SP140L: variants seen among roughly 807,000 people sequenced by gnomAD.
The protein encoded by SP140L is nuclear body protein SP140-like protein.
SP140L carries 64 observed loss-of-function variants against 84.3 expected under a neutral mutation model. The ratio of observed to expected loss-of-function variants is 0.76; its 90% confidence interval spans 0.62 to 0.94. The LOEUF is 0.94. SP140L is among the 40% of genes least tolerant of loss of function. The pLI is 0.00. For synonymous variants in SP140L, 242 were observed against 236.9 expected, an observed-to-expected ratio of 1.02 and a Z score of -0.20; for missense variants, 628 against 692.5, an observed-to-expected ratio of 0.91 and a Z score of 1.05.
chr2:230,369,768 GT>G (rs1339778635), intron 5 of SP140L, among the ~76,000 whole-genome samples: 4 of 152,056 alleles, frequency 2.6e-5, no homozygotes, highest in Non-Finnish European at 2.9e-5. Flanking sequence ...CTTTTTGTTT[GT>G]TTGTTTTCTT....
chr2:230,393,820 A>G (rs540913804), intron 13 of SP140L, among the ~76,000 whole-genome samples: 2 of 152,236 alleles, frequency 1.3e-5, no homozygotes, highest in Non-Finnish European at 2.9e-5. Context: ...TGAGAGTATC[A>G]TCTCCAACTC....
rs367812146 is a variant in SP140L, at chr2:230,354,797, A to AAG, written c.108-2994_108-2993dup. Among the ~76,000 whole-genome samples, 12 of 142,462 alleles carry AAG rather than the reference A, an allele frequency of 8.4e-5. 1 individual carries two copies. Among genetic ancestry groups the AAG allele is most frequent in the African/African-American group, 2.1e-4 (8 of 38,422 alleles). 93.5% of individuals were successfully genotyped at this position (142,462 alleles called of 152,430 possible). On this transcript the variant is annotated intron_variant, in intron 2 of 18. Transcript: ENST00000415673. ...AAGAAAGAAGGGGTGGGGGCGGGGG[A>AAG]AGAGAGAGAGAGAGAAAGAAAAAGA...
At chr2:230,386,011 G>A (rs2061565589) in intron 9 of SP140L, among the ~76,000 whole-genome samples, 1 of 152,152 alleles carries the variant, frequency 6.6e-6, no homozygotes, top group African/African-American at 2.4e-5. Flanking sequence ...AGTGGTTGAT[G>A]CACAATCACT....
intron 5 of SP140L, 106 bp downstream of exon 5, chr2:230,361,803 A>T: frequency 1.2e-6 from 1 of 804,642 alleles, no homozygotes; most frequent in Admixed American, 2.5e-5. Flanking sequence ...CAGGGAAGAC[A>T]CAGGGAAGGA....
Position 230,392,146 on chromosome 2 carries a change from G to T in SP140L, c.1024G>T (p.Glu342Ter). The change falls in exon 12 of 19, where the codon GAA becomes TAA. Residue 342 changes from glutamate (E) to a stop codon, truncating the protein, a stop_gained. Coordinates refer to ENST00000415673, the MANE Select transcript of SP140L (RefSeq NM_138402.6). LOFTEE classifies it high-confidence loss of function. ...AAAATGGTTCACCCCCATGGAATTT[G>T]AAATCAAAGGAGGCTACGCAAGATC... Reference protein sequence around the residue: ...DGKWFTPMEFEIKGGYARSKN... With the variant: ...DGKWFTPMEF The T allele has an allele frequency of 2.5e-6, 4 of 1,614,066 alleles. No homozygotes were observed. The highest frequency in any genetic ancestry group is 3.4e-6 in the Non-Finnish European group (4 of 1,179,948).
At chr2:230,381,340 G>A (rs1007267333) in intron 7 of SP140L, among the ~76,000 whole-genome samples, 12 of 152,080 alleles carry the variant, frequency 7.9e-5, no homozygotes, top group Admixed American at 1.3e-4. Context: ...TAATCTGGAG[G>A]CTACATGATC....
Position 230,386,836 on chromosome 2 carries a change from C to T in SP140L, c.784+1532C>T, listed in dbSNP as rs544675617. Among the ~76,000 whole-genome samples the T allele has an allele frequency of 3.3e-5, 5 of 152,288 alleles. No individual in the cohort carries two copies. In the East Asian group the frequency reaches 7.7e-4, roughly 24 times the overall value. On this transcript the variant is annotated intron_variant, in intron 9 of 18. Transcript: ENST00000415673. ...CAGCTAGAGAGAAAGGAAGAAATAA[C>T]TCTGTATTAGCTGGACTGTTCAAGG...
chr2:230,328,976 T>TTTG, intron 2 of SP140L, 145 bp downstream of exon 2: 1 of 1,291,380 alleles, frequency 7.7e-7, no homozygotes, highest in Non-Finnish European at 1.0e-6. Context: ...AGTTGAGGTG[T>TTTG]TTGTCTTTTT....
intron 15 of SP140L, chr2:230,400,645 C>T: frequency 1.8e-6 from 1 of 556,428 alleles, no homozygotes; most frequent in Non-Finnish European, 3.2e-6. Context: ...GAGTTGAAAG[C>T]CCAGTTTCTG....
intron 8 of SP140L, among the ~76,000 whole-genome samples, chr2:230,384,578 G>T (rs1974984): frequency 0.84 from 127,777 of 152,186 alleles, 54,961 homozygotes; most frequent in African/African-American, 0.96. Flanking sequence ...ATGTACATTT[G>T]TGTTTGGAAA....
intron 2 of SP140L, among the ~76,000 whole-genome samples, chr2:230,353,973 A>G (rs572558947): frequency 9.9e-5 from 15 of 152,256 alleles, no homozygotes; most frequent in African/African-American, 3.6e-4. Context: ...TTGTTCCACC[A>G]TATCATTTTC....
chr2:230,370,856 G>A (rs1359416769), intron 5 of SP140L, 52 bp from the exon 6 acceptor site: 3 of 1,582,424 alleles, frequency 1.9e-6, no homozygotes, highest in Admixed American at 3.4e-5. Context: ...CCCGGGAGCA[G>A]AGCGACCAGC....
At chr2:230,364,032 T>C (rs1374903558) in intron 5 of SP140L, among the ~76,000 whole-genome samples, 2 of 152,180 alleles carry the variant, frequency 1.3e-5, no homozygotes, top group Non-Finnish European at 2.9e-5. Context: ...GTGTCTATTT[T>C]ATGCAAGTAC....
At position 230,393,585 on chromosome 2, in the gene SP140L, C is replaced by A; in HGVS notation, c.1155+124C>A. 4 of 1,180,282 alleles carry A rather than the reference C, an allele frequency of 3.4e-6. No homozygotes were observed. The South Asian group carries it at 7.7e-5, about 23-fold the overall frequency. The allele number at this position is 1,180,282 out of a possible 1,614,324, so 73.1% of individuals were successfully genotyped here. Reference sequence around the variant, plus strand: ...AAGCTTTCACCTTCTCCACTTCCCACATATAAATTTTTTTAATATACACTT... The same window carrying A: ...AAGCTTTCACCTTCTCCACTTCCCAAATATAAATTTTTTTAATATACACTT... On this transcript the variant is annotated intron_variant, in intron 13 of 18. Coordinates refer to ENST00000415673, the MANE Select transcript of SP140L (RefSeq NM_138402.6).
chr2:230,347,666 G>A (rs903491252), intron 2 of SP140L, among the ~76,000 whole-genome samples: 5 of 152,264 alleles, frequency 3.3e-5, no homozygotes, highest in East Asian at 1.9e-4. Flanking sequence ...TGGCTGGCTC[G>A]ATTACCTGCG....
chr2:230,389,746 C>A (rs1347899651), intron 10 of SP140L, among the ~76,000 whole-genome samples, 173 bp from the exon 11 acceptor site: 2 of 152,168 alleles, frequency 1.3e-5, no homozygotes, highest in African/African-American at 4.8e-5. Context: ...TTGGGGCACA[C>A]ATTCTGTAGT....
intron 5 of SP140L, among the ~76,000 whole-genome samples, chr2:230,362,818 A>G (rs765262669): frequency 6.6e-6 from 1 of 152,194 alleles, no homozygotes; most frequent in African/African-American, 2.4e-5. Flanking sequence ...TGTGATATCC[A>G]GGGAACCTAA....
At chr2:230,373,492 A>G (rs1361813604) in intron 7 of SP140L, among the ~76,000 whole-genome samples, 1 of 152,204 alleles carries the variant, frequency 6.6e-6, no homozygotes, top group African/African-American at 2.4e-5. Context: ...CCTGTGCTCT[A>G]TAATTGGAAT....
intron 4 of SP140L, among the ~76,000 whole-genome samples, chr2:230,359,410 C>CG (rs1174240196): frequency 6.6e-6 from 1 of 152,190 alleles, no homozygotes; most frequent in Non-Finnish European, 1.5e-5. Context: ...AGAACACCAA[C>CG]GGGGCAGCAT....
Sources: allele counts gnomAD v4.1 joint callset (sites outside exome capture counted in the v4.1 genomes callset), GRCh38; gene constraint gnomAD v4.1.1; transcripts MANE v1.5; gene names NCBI Gene and HGNC (gene_info 2026-07-23, HGNC 2026-07-21).